The following XKR4 variants were observed in gnomAD, a reference collection of about 807,000 sequenced individuals.
The protein encoded by XKR4 is XK-related protein 4.
In XKR4, 12 loss-of-function variants were observed where a neutral mutation model predicts 53.9. That is an observed-to-expected ratio of 0.22 (90% CI 0.14 to 0.36). The LOEUF is 0.36. Among genes scored for constraint, XKR4 ranks in the 10% least tolerant of loss-of-function variants. The probability of loss-of-function intolerance (pLI) is 1.00; values close to 1 mark genes in which losing one functional copy is unlikely to be tolerated. For synonymous variants in XKR4, 354 were observed against 362.4 expected (o/e 0.98, Z 0.26); for missense variants, 799 against 859.5 (o/e 0.93, Z 0.88).
chr8:55,496,955 G>A (rs1806361074), intron 2 of XKR4, among the ~76,000 whole-genome samples: 2 of 152,132 alleles, frequency 1.3e-5, no homozygotes, highest in East Asian at 1.9e-4. Flanking sequence ...CCCTTCAGTA[G>A]TGATCTCCAC....
intron 1 of XKR4, among the ~76,000 whole-genome samples, chr8:55,338,162 T>G (rs1385969552): frequency 6.6e-6 from 1 of 152,244 alleles, no homozygotes; most frequent in East Asian, 1.9e-4. Flanking sequence ...AAAGAATCTG[T>G]TTTTTAAAAT....
Position 55,536,185 on chromosome 8 carries a change from TC to T in XKR4, c.*11961del, listed in dbSNP as rs1807030119. On this transcript the variant is annotated 3_prime_UTR_variant, in exon 3 of 3. Coordinates refer to ENST00000327381, the MANE Select transcript of XKR4 (RefSeq NM_052898.2). ...CCAGTCACCTAGTCTGTGTATCTGT[TC>T]CCAAACTGGAAAAAATAATTCTTGA... 1 of 152,332 alleles carries T rather than the reference TC, an allele frequency of 6.6e-6. No individual in the cohort carries two copies. Among genetic ancestry groups the T allele is most frequent in the South Asian group, 2.1e-4 (1 of 4,824 alleles). 9.4% of individuals were successfully genotyped at this position (152,332 alleles called of 1,614,324 possible).
intron 1 of XKR4, among the ~76,000 whole-genome samples, chr8:55,170,139 T>G (rs1181822605): frequency 3.9e-5 from 6 of 152,216 alleles, no homozygotes; most frequent in African/African-American, 1.4e-4. Flanking sequence ...TTTTGGATTA[T>G]GCATGATGAG....
At chr8:55,308,504 G>A (rs1478787159) in intron 1 of XKR4, among the ~76,000 whole-genome samples, 1 of 152,106 alleles carries the variant, frequency 6.6e-6, no homozygotes, top group Admixed American at 6.6e-5. Context: ...AGAACAGCAT[G>A]GGGGAAACTG....
chr8:55,372,763 A>C (rs894933231), intron 2 of XKR4, among the ~76,000 whole-genome samples: 7 of 152,154 alleles, frequency 4.6e-5, no homozygotes, highest in African/African-American at 1.7e-4. Flanking sequence ...CAGAGAGGTA[A>C]GCTAATATTT....
intron 1 of XKR4, among the ~76,000 whole-genome samples, chr8:55,313,884 C>T (rs1057126746): frequency 6.6e-6 from 1 of 152,172 alleles, no homozygotes; most frequent in Non-Finnish European, 1.5e-5. Flanking sequence ...CCAAGTTTTT[C>T]TGCAGAGTTA....
At chr8:55,233,044 T>C (rs1818065985) in intron 1 of XKR4, among the ~76,000 whole-genome samples, 1 of 152,186 alleles carries the variant, frequency 6.6e-6, no homozygotes, top group South Asian at 2.1e-4. Context: ...AGGAAGTAGG[T>C]ATCTGGAGGG....
intron 1 of XKR4, among the ~76,000 whole-genome samples, chr8:55,161,116 G>T (rs574391932): frequency 6.6e-6 from 1 of 152,266 alleles, no homozygotes; most frequent in South Asian, 2.1e-4. Flanking sequence ...ACCTGGACCT[G>T]CACAGGAAGT....
At position 55,525,359 on chromosome 8, in the gene XKR4, T is replaced by G. The variant is rs968377946; in HGVS notation, c.*1132T>G. On this transcript the variant is annotated 3_prime_UTR_variant, in exon 3 of 3. Coordinates refer to ENST00000327381, the MANE Select transcript of XKR4 (RefSeq NM_052898.2). ...GAGAACGAGCAATCAAGTTCTCCAC[T>G]GTGTACAGACTTTTCCTCCCCCCAA... 3 of 152,734 alleles carry G rather than the reference T, an allele frequency of 2.0e-5. No individual in the cohort carries two copies. The highest frequency in any genetic ancestry group is 2.9e-5 in the Non-Finnish European group (2 of 68,090). The allele number at this position is 152,734 out of a possible 1,614,324, so 9.5% of individuals were successfully genotyped here. A position where few individuals can be genotyped will look rare whatever the true frequency, so the allele number is the denominator to read the frequency against.
intron 1 of XKR4, among the ~76,000 whole-genome samples, chr8:55,111,030 G>A (rs1816224540): frequency 6.6e-6 from 1 of 152,162 alleles, no homozygotes; most frequent in South Asian, 2.1e-4. Context: ...AATAGACGGA[G>A]AGGGTCATAG....
intron 1 of XKR4, among the ~76,000 whole-genome samples, chr8:55,218,577 TA>T (rs1345080930): frequency 6.6e-6 from 1 of 152,206 alleles, no homozygotes; most frequent in Non-Finnish European, 1.5e-5. Context: ...TTTTAAGTTA[TA>T]AGAAATAGGA....
At chr8:55,495,085 G>C (rs1806322834) in intron 2 of XKR4, among the ~76,000 whole-genome samples, 1 of 152,188 alleles carries the variant, frequency 6.6e-6, no homozygotes, top group South Asian at 2.1e-4. Context: ...AGTGCCCAAA[G>C]TCCAGAGCGG....
chr8:55,182,898 A>G (rs1563477242), intron 1 of XKR4, among the ~76,000 whole-genome samples: 1 of 151,990 alleles, frequency 6.6e-6, no homozygotes, highest in Non-Finnish European at 1.5e-5. Flanking sequence ...TCCTAATTAT[A>G]TCTCCCTAAT....
Position 55,371,122 on chromosome 8 carries a change from A to G in XKR4, c.1006+13245A>G, listed in dbSNP as rs571445994. 9.6e-4 allele frequency among the ~76,000 whole-genome samples: 145 copies of G among 151,084 alleles called. 1 individual carries two copies. The highest frequency in any genetic ancestry group is 1.9e-3 in the South Asian group (9 of 4,666). ...GGGAAGTAGCAATGCCATGCTATTG[A>G]TGTTTGAAGGAGGAGGACATCAGGG... is the stretch of plus-strand genomic sequence containing the variant. On this transcript the variant is annotated intron_variant, in intron 2 of 2. Coordinates refer to ENST00000327381, the MANE Select transcript of XKR4 (RefSeq NM_052898.2).
At chr8:55,373,565 G>A (rs1804102645) in intron 2 of XKR4, among the ~76,000 whole-genome samples, 1 of 152,198 alleles carries the variant, frequency 6.6e-6, no homozygotes, top group Admixed American at 6.5e-5. Flanking sequence ...GTTGAAAAGT[G>A]GGAGTTTCCA....
At chr8:55,199,735 G>A (rs1486140425) in intron 1 of XKR4, among the ~76,000 whole-genome samples, 4 of 152,232 alleles carry the variant, frequency 2.6e-5, no homozygotes, top group Non-Finnish European at 4.4e-5. Context: ...AGCTTGATCA[G>A]TGGTCCCTTT....
chr8:55,302,685 G>A lies in XKR4; in HGVS notation c.807-54993G>A, dbSNP rs1393460806. On this transcript the variant is annotated intron_variant, in intron 1 of 2. Coordinates refer to ENST00000327381, the MANE Select transcript of XKR4 (RefSeq NM_052898.2). The stretch of plus-strand genomic sequence containing the variant: ...CTTTTATTTCCTTGAGCAGTGGTTT[G>A]TAGTTGTCCTTGAAGAGGTCCTTCA... Among the ~76,000 whole-genome samples the A allele has an allele frequency of 5.3e-5, 8 of 152,234 alleles. No homozygotes were observed. In the South Asian group the frequency reaches 1.2e-3, roughly 24 times the overall value.
At chr8:55,274,890 C>T (rs891829536) in intron 1 of XKR4, among the ~76,000 whole-genome samples, 14 of 152,134 alleles carry the variant, frequency 9.2e-5, no homozygotes, top group African/African-American at 2.9e-4. Context: ...GGCAACAGTT[C>T]AGTCCATGAC....
intron 2 of XKR4, among the ~76,000 whole-genome samples, chr8:55,516,877 G>A (rs765767831): frequency 1.3e-5 from 2 of 152,124 alleles, no homozygotes; most frequent in Non-Finnish European, 2.9e-5. Flanking sequence ...CAGCCTAAGT[G>A]TCCATCAAAG....
Sources: allele counts gnomAD v4.1 joint callset (sites outside exome capture counted in the v4.1 genomes callset), GRCh38; gene constraint gnomAD v4.1.1; transcripts MANE v1.5; gene names NCBI Gene and HGNC (gene_info 2026-07-23, HGNC 2026-07-21).